AQP8: variants seen among roughly 807,000 people sequenced by gnomAD.
AQP8 encodes aquaporin 8, also known as aquaporin-8.
Under a neutral mutation model 26.1 loss-of-function variants are expected in AQP8, and 14 were observed. The ratio of observed to expected loss-of-function variants is 0.54; its 90% CI spans 0.35 to 0.84. The LOEUF is 0.84. Ranked by LOEUF, AQP8 falls within the 40% of genes least tolerant of loss-of-function variation. The pLI is 0.01. For synonymous variants in AQP8, 131 were observed against 150.7 expected (o/e 0.87, Z 0.96); for missense variants, 301 against 340.5 (o/e 0.88, Z 0.91).
chr16:25,225,159 T>C (rs1407725634), intron 4 of AQP8, among the ~76,000 whole-genome samples: 1 of 152,214 alleles, frequency 6.6e-6, no homozygotes, highest in Non-Finnish European at 1.5e-5. Flanking sequence ...CTTTTAATTT[T>C]TGTTGTAGAG....
At chr16:25,226,263 A>G (rs116514141) in intron 4 of AQP8, among the ~76,000 whole-genome samples, 3,717 of 151,322 alleles carry the variant, frequency 0.025, 152 homozygotes, top group African/African-American at 0.083. Context: ...TTTTATTTTT[A>G]GTTTTAGTTT....
At chr16:25,220,475 G>C (rs1052087730) in intron 2 of AQP8, among the ~76,000 whole-genome samples, 2 of 152,132 alleles carry the variant, frequency 1.3e-5, no homozygotes, top group African/African-American at 4.8e-5. Flanking sequence ...TGAACACGAA[G>C]GCTCTTTACC....
At chr16:25,222,644 C>G (rs1368533102) in intron 3 of AQP8, among the ~76,000 whole-genome samples, 2 of 151,766 alleles carry the variant, frequency 1.3e-5, no homozygotes, top group Admixed American at 6.6e-5. Flanking sequence ...ATACTTCAAG[C>G]CCTTCAAGAT....
rs772482279 is a variant in AQP8 at position 25,224,568 on chromosome 16, C to G, written c.594C>G (p.Ile198Met). The G allele has an allele frequency of 4.3e-6, 7 of 1,610,772 alleles. No individual in the cohort carries two copies. Among genetic ancestry groups the G allele is most frequent in the Non-Finnish European group, 5.9e-6 (7 of 1,179,878 alleles). ...TCGGCTTTGCCGTCACCGTGGATAT[C>G]CTGGCTGGGTGAGTGTCCCTTGGCA... The part of the protein sequence containing the change: ...FSIGFAVTVD[I>M]LAGGPVSGGC... The change falls in exon 4 of 6, where the codon ATC (isoleucine) becomes ATG (methionine). Residue 198 changes from isoleucine to methionine, a missense_variant. Ile to Met is a conservative substitution (Grantham distance 10). Coordinates refer to ENST00000219660, the MANE Select transcript of AQP8 (RefSeq NM_001169.3).
intron 2 of AQP8, 96 bp from the exon 3 acceptor site, chr16:25,221,361 G>A (rs1203021082): frequency 4.0e-6 from 6 of 1,499,382 alleles, no homozygotes; most frequent in Non-Finnish European, 4.6e-6. Flanking sequence ...TGCCCTGAGA[G>A]GCCAGCCTGG....
chr16:25,224,289 T>C (rs1962601885), intron 3 of AQP8, 73 bp from the exon 4 acceptor site: 4 of 1,450,830 alleles, frequency 2.8e-6, no homozygotes, highest in Non-Finnish European at 3.7e-6. Flanking sequence ...AGCATGCGTT[T>C]TTTAGGCCCT....
Position 25,228,627 on chromosome 16 carries a change from C to A in AQP8, c.*135C>A. On this transcript the variant is annotated 3_prime_UTR_variant, in exon 6 of 6. Transcript: ENST00000219660. ...GACCCCCTGCTTCCACTGCTTGGGC[C>A]TGCTTTCTCAGATAGACTGACTGCT... 1 of 873,054 alleles carries A rather than the reference C, an allele frequency of 1.1e-6. No individual in the cohort carries two copies. The highest frequency in any genetic ancestry group is 1.8e-6 in the Non-Finnish European group (1 of 549,130). The allele number at this position is 873,054 out of a possible 1,614,324, so 54.1% of individuals were successfully genotyped here.
At chr16:25,223,830 C>CTT (rs112495757) in intron 3 of AQP8, among the ~76,000 whole-genome samples, 74 of 144,440 alleles carry the variant, frequency 5.1e-4, no homozygotes, top group African/African-American at 1.7e-3. Context: ...TTTTCTTTTT[C>CTT]TTTTTTTTTT....
chr16:25,223,644 G>A (rs1243537387), intron 3 of AQP8, among the ~76,000 whole-genome samples: 1 of 152,150 alleles, frequency 6.6e-6, no homozygotes, highest in East Asian at 1.9e-4. Flanking sequence ...AGGAGGTCCA[G>A]GCTGCAGTGA....
At chr16:25,219,597 C>A (rs1325113066) in intron 2 of AQP8, among the ~76,000 whole-genome samples, 1 of 151,410 alleles carries the variant, frequency 6.6e-6, no homozygotes, top group Non-Finnish European at 1.5e-5. Context: ...AGTTTCTCTC[C>A]CCTTTGGGGC....
chr16:25,221,854 G>A (rs1030734558), intron 3 of AQP8, among the ~76,000 whole-genome samples: 1 of 151,992 alleles, frequency 6.6e-6, no homozygotes, highest in African/African-American at 2.4e-5. Flanking sequence ...TGCAACCTCT[G>A]CCTCCTGGGC....
At chr16:25,227,317 A>T in intron 5 of AQP8, 115 bp downstream of exon 5, 2 of 1,387,278 alleles carry the variant, frequency 1.4e-6, no homozygotes, top group Non-Finnish European at 2.0e-6. Flanking sequence ...GAAAAGAGGG[A>T]GCCTCTTTAG....
intron 2 of AQP8, among the ~76,000 whole-genome samples, chr16:25,217,766 G>T (rs1962508392): frequency 6.6e-6 from 1 of 152,190 alleles, no homozygotes; most frequent in South Asian, 2.1e-4. Context: ...GGTCTCAAGC[G>T]ATCCTCCTGC....
At chr16:25,222,680 G>A (rs1013160145) in intron 3 of AQP8, among the ~76,000 whole-genome samples, 4 of 151,908 alleles carry the variant, frequency 2.6e-5, no homozygotes, top group African/African-American at 7.3e-5. Context: ...TGTGTGTGTG[G>A]GGGGTGGTGG....
intron 2 of AQP8, among the ~76,000 whole-genome samples, chr16:25,221,195 T>C (rs2052921885): frequency 6.6e-6 from 1 of 151,926 alleles, no homozygotes; most frequent in South Asian, 2.1e-4. Flanking sequence ...AGTTAAGGGA[T>C]GGTCTCCCTA....
At chr16:25,221,159 G>T (rs926276923) in intron 2 of AQP8, among the ~76,000 whole-genome samples, 6 of 151,964 alleles carry the variant, frequency 3.9e-5, no homozygotes, top group Admixed American at 2.6e-4. Context: ...AAGGGCTGGA[G>T]GGAGGCTTGG....
intron 4 of AQP8, 21 bp downstream of exon 4, chr16:25,224,597 G>A: frequency 6.2e-7 from 1 of 1,600,928 alleles, no homozygotes; most frequent in South Asian, 1.1e-5. Context: ...CTTGGCAGTG[G>A]GGTGACCATG....
In AQP8 at chr16:25,216,986, G is replaced by A; in HGVS notation, c.-60G>A. 6.2e-7 allele frequency: 1 copy of A among 1,610,978 alleles called. No homozygotes were observed. The highest frequency in any genetic ancestry group is 8.5e-7 in the Non-Finnish European group (1 of 1,178,500). ...CTAGGAGATAAGAGTATCTTGCACA[G>A]CAGGTGCAGGTTTCCCAGCAGCTCA... On this transcript the variant is annotated 5_prime_UTR_variant, in exon 1 of 6. Transcript: ENST00000219660.
At chr16:25,220,775 G>C (rs1295472612) in intron 2 of AQP8, among the ~76,000 whole-genome samples, 4 of 152,238 alleles carry the variant, frequency 2.6e-5, no homozygotes. Flanking sequence ...CCCGGGCCGG[G>C]CACGGTAGCT....
Sources: allele counts gnomAD v4.1 joint callset (sites outside exome capture counted in the v4.1 genomes callset), GRCh38; gene constraint gnomAD v4.1.1; transcripts MANE v1.5; gene names NCBI Gene and HGNC (gene_info 2026-07-23, HGNC 2026-07-21).